The following SULT1B1 variants were observed in gnomAD, a reference collection of about 807,000 sequenced individuals.
SULT1B1 encodes sulfotransferase 1B1.
A neutral mutation model predicts 34.6 loss-of-function variants in SULT1B1; 28 were observed. The ratio of observed to expected loss-of-function variants is 0.81; its 90% confidence interval spans 0.60 to 1.11. The LOEUF is 1.11. SULT1B1 is among the 50% of genes least tolerant of loss of function. SULT1B1 has a pLI of 0.00. For missense variants in SULT1B1, 374 were observed against 352.2 expected (o/e 1.06, Z -0.50); for synonymous variants, 147 against 110.2 (o/e 1.33, Z -2.09).
chr4:69,743,024 T>C (rs1422561194), intron 4 of SULT1B1, among the ~76,000 whole-genome samples: 1 of 152,226 alleles, frequency 6.6e-6, no homozygotes, highest in East Asian at 1.9e-4. Flanking sequence ...GTCACAACCC[T>C]GGCTCAGGGA....
chr4:69,748,164 C>T (rs934934965), intron 4 of SULT1B1, among the ~76,000 whole-genome samples: 2 of 151,876 alleles, frequency 1.3e-5, no homozygotes, highest in African/African-American at 2.4e-5. Context: ...GACAATGATA[C>T]GTTGAGAGTA....
chr4:69,754,990 G>A (rs2134668), intron 2 of SULT1B1, 80 bp downstream of exon 2: 823,915 of 1,332,098 alleles, frequency 0.62, 256,469 homozygotes, highest in East Asian at 0.71. Flanking sequence ...ATTTAGAATG[G>A]TAATGATTTT....
In SULT1B1 at chr4:69,754,744, T is replaced by C; in HGVS notation, c.203A>G (p.Glu68Gly). The change falls in exon 3 of 8, where the codon GAA becomes GGA. Residue 68 changes from glutamate (E) to glycine (G), a missense_variant. By Grantham distance (98) the Glu-to-Gly change is moderately conservative (BLOSUM62 -2). Coordinates refer to ENST00000310613, the MANE Select transcript of SULT1B1 (RefSeq NM_014465.4). Reference protein sequence around the residue: ...IDMILNDGDIEKCKRGFITEK... With the variant: ...IDMILNDGDIGKCKRGFITEK... ...AGTAATAAAACCTCGCTTACATTTT[T>C]CAATATCTCCATCATTTAGAATCAT... 6.2e-7 allele frequency: 1 copy of C among 1,613,322 alleles called. No individual in the cohort carries two copies. The highest frequency in any genetic ancestry group is 8.5e-7 in the Non-Finnish European group (1 of 1,179,416).
chr4:69,733,270 C>A, intron 6 of SULT1B1, 143 bp downstream of exon 6: 3 of 526,766 alleles, frequency 5.7e-6, no homozygotes, highest in South Asian at 3.9e-5. Flanking sequence ...TTAATTATAG[C>A]AAGATTTGGG....
intron 7 of SULT1B1, among the ~76,000 whole-genome samples, chr4:69,729,565 T>C (rs1392589850): frequency 6.6e-6 from 1 of 152,152 alleles, no homozygotes; most frequent in Non-Finnish European, 1.5e-5. Flanking sequence ...ATAGGTTAAA[T>C]ATATTGTTTT....
chr4:69,727,633 CTG>C (rs1196909563), intron 7 of SULT1B1, among the ~76,000 whole-genome samples: 6 of 151,954 alleles, frequency 3.9e-5, no homozygotes, highest in African/African-American at 9.7e-5. Context: ...CACAGCAAAA[CTG>C]TGAAATAAAA....
intron 1 of SULT1B1, chr4:69,758,560 T>A (rs1719277841): frequency 1.3e-6 from 1 of 769,444 alleles, no homozygotes; most frequent in South Asian, 5.9e-5. Context: ...GAAAAATAAA[T>A]GAGTCTCTAT....
chr4:69,758,240 A>T (rs1184676142), intron 1 of SULT1B1: 1 of 918,594 alleles, frequency 1.1e-6, no homozygotes, highest in African/African-American at 1.8e-5. Flanking sequence ...TGTACTTGGG[A>T]TGAAGTTGGT....
chr4:69,730,622 C>G lies in SULT1B1; in HGVS notation c.657G>C (p.Glu219Asp), dbSNP rs546925597. The G allele has an allele frequency of 8.4e-5, 135 of 1,613,122 alleles. 1 individual carries two copies. The Admixed American group carries it at 9.0e-4, about 11-fold the overall frequency. ...TGTGATGGATGATCCTATCCAAGAT[C>G]TCATCATTCAGGTTCTTCTCTAGAA... ...IRFLEKNLND[E>D]ILDRIIHHTS... Residue 219 changes from glutamate to aspartate, a missense_variant, in exon 7 of 8, where the codon GAG becomes GAC. Transcript: ENST00000310613.
intron 2 of SULT1B1, 23 bp downstream of exon 2, chr4:69,755,047 A>T (rs1369872886): frequency 5.0e-6 from 8 of 1,587,508 alleles, no homozygotes; most frequent in Non-Finnish European, 6.9e-6. Flanking sequence ...TCGGACTTGA[A>T]TTTGTCAGGC....
intron 4 of SULT1B1, among the ~76,000 whole-genome samples, chr4:69,741,884 G>A (rs1272709396): frequency 6.6e-6 from 1 of 152,028 alleles, no homozygotes; most frequent in African/African-American, 2.4e-5. Flanking sequence ...TCTTTCTTTT[G>A]TCTGATTGCT....
At chr4:69,750,035 A>G (rs745740282) in intron 3 of SULT1B1, among the ~76,000 whole-genome samples, 21 of 152,274 alleles carry the variant, frequency 1.4e-4, no homozygotes, top group Admixed American at 6.5e-4. Flanking sequence ...TCAAATGCTA[A>G]CTCTATCACT....
Position 69,724,705 on chromosome 4 carries a change from G to C in SULT1B1, c.*2383C>G, listed in dbSNP as rs1027799490. 1 of 152,142 alleles carries C rather than the reference G, an allele frequency of 6.6e-6. No individual in the cohort carries two copies. The highest frequency in any genetic ancestry group is 1.5e-5 in the Non-Finnish European group (1 of 68,066). 9.4% of individuals were successfully genotyped at this position (152,142 alleles called of 1,614,324 possible). A position where few individuals can be genotyped will look rare whatever the true frequency, so the allele number is the denominator to read the frequency against. ...CCAATGGAACAGAACAGAGCCCTCAGAAATAATACTACACATCTACAATTA... is the reference window on the plus strand; with the variant it reads ...CCAATGGAACAGAACAGAGCCCTCACAAATAATACTACACATCTACAATTA... On this transcript the variant is annotated 3_prime_UTR_variant, in exon 8 of 8. Transcript: ENST00000310613.
rs933629065 is a variant in SULT1B1 at position 69,740,477 on chromosome 4, A to C, written c.376-6213T>G. On this transcript the variant is annotated intron_variant, in intron 4 of 7. Coordinates refer to ENST00000310613, the MANE Select transcript of SULT1B1 (RefSeq NM_014465.4). Reference sequence around the variant, plus strand: ...ATCATGATAACAGCACAGAGAAACCAACCCAATGATTCAATTACCTCCACC... The same window carrying C: ...ATCATGATAACAGCACAGAGAAACCCACCCAATGATTCAATTACCTCCACC... 1.3e-5 allele frequency among the ~76,000 whole-genome samples: 2 copies of C among 152,190 alleles called. 1 individual carries two copies. Among genetic ancestry groups the C allele is most frequent in the Middle Eastern group, 6.3e-3 (2 of 316 alleles).
At chr4:69,728,635 G>GGGAAGGAAGGAA (rs55722168) in intron 7 of SULT1B1, among the ~76,000 whole-genome samples, 2,372 of 151,564 alleles carry the variant, frequency 0.016, 57 homozygotes, top group African/African-American at 0.051. Context: ...GGATACATCA[G>GGGAAGGAAGGAA]GGAAGGAAGG....
Position 69,734,134 on chromosome 4 carries a change from A to G in SULT1B1, c.502+4T>C. 6.2e-7 allele frequency: 1 copy of G among 1,604,586 alleles called. No homozygotes were observed. Among genetic ancestry groups the G allele is most frequent in the Non-Finnish European group, 8.5e-7 (1 of 1,175,222 alleles). ...TTATCAATTTTAAGATAAAGTCCACATACCTTTTCCAGTTAAGAATTTCTC... is the reference window on the plus strand; with the variant it reads ...TTATCAATTTTAAGATAAAGTCCACGTACCTTTTCCAGTTAAGAATTTCTC... On this transcript the variant is annotated splice_donor_region_variant and intron_variant, in intron 5 of 7. Transcript: ENST00000310613.
chr4:69,749,867 C>A (rs2110029077), intron 3 of SULT1B1, 49 bp from the exon 4 acceptor site: 1 of 1,402,642 alleles, frequency 7.1e-7, no homozygotes, highest in South Asian at 1.2e-5. Context: ...TCCAGAAAGG[C>A]TACGTTTCCT....
intron 4 of SULT1B1, among the ~76,000 whole-genome samples, chr4:69,735,230 T>C (rs1361527076): frequency 6.6e-6 from 1 of 152,152 alleles, no homozygotes; most frequent in Non-Finnish European, 1.5e-5. Context: ...GGTGAGTTCC[T>C]CCTAGGTGTC....
At chr4:69,749,613 T>C in intron 4 of SULT1B1, 108 bp downstream of exon 4, 1 of 725,836 alleles carries the variant, frequency 1.4e-6, no homozygotes, top group Non-Finnish European at 2.3e-6. Context: ...GTATAGATTG[T>C]TGCAAGTATA....
Sources: gnomAD v4.1 joint callset for allele counts (sites outside exome capture counted in the v4.1 genomes callset) on GRCh38, gnomAD v4.1.1 for gene constraint, MANE v1.5 for transcripts, NCBI Gene and HGNC (gene_info 2026-07-23, HGNC 2026-07-21) for gene names.